Variants in STPG2 observed in about 807,000 individuals in gnomAD.
The protein encoded by STPG2 is sperm-tail PG-rich repeat-containing protein 2.
STPG2 carries 56 observed loss-of-function variants against 54.2 expected under a neutral mutation model. That is an observed-to-expected ratio of 1.03 (90% CI 0.83 to 1.29). The LOEUF (loss-of-function observed/expected upper bound fraction) is 1.29, where lower values mean the gene tolerates loss of function less well. STPG2 is among the 50% of genes most tolerant of loss of function. STPG2 has a pLI of 0.00. For synonymous variants in STPG2, 200 were observed against 181.8 expected, an observed-to-expected ratio of 1.10 and a Z score of -0.81; for missense variants, 596 against 544.9, an observed-to-expected ratio of 1.09 and a Z score of -0.93.
chr4:97,817,895 CT>C, intron 9 of STPG2, among the ~76,000 whole-genome samples: 1 of 151,750 alleles, frequency 6.6e-6, no homozygotes, highest in Admixed American at 6.6e-5. Flanking sequence ...GAAGAGCTGT[CT>C]TTTATATGCA....
At chr4:97,625,460 C>A (rs1734114976) in intron 10 of STPG2, among the ~76,000 whole-genome samples, 2 of 152,074 alleles carry the variant, frequency 1.3e-5, no homozygotes, top group Admixed American at 1.3e-4. Flanking sequence ...CAGGTGTGCA[C>A]CACCACACCC....
intron 10 of STPG2, among the ~76,000 whole-genome samples, chr4:97,603,655 T>C (rs948339002): frequency 6.6e-6 from 1 of 151,556 alleles, no homozygotes; most frequent in African/African-American, 2.4e-5. Flanking sequence ...TGCAATATTA[T>C]TCAGGAAGGA....
intron 4 of STPG2, among the ~76,000 whole-genome samples, chr4:98,107,879 A>G (rs1739232111): frequency 2.0e-5 from 3 of 152,140 alleles, no homozygotes; most frequent in Admixed American, 6.6e-5. Flanking sequence ...AGACTATGAT[A>G]TGTGTTAGAG....
rs369097260 is a variant in STPG2, at chr4:97,801,147, C to T, written c.1204+39626G>A. Among the ~76,000 whole-genome samples the T allele has an allele frequency of 7.7e-4, 118 of 152,292 alleles. 4 individuals are homozygous for T. In the East Asian group the frequency reaches 0.02, roughly 26 times the overall value. The stretch of plus-strand genomic sequence containing the variant: ...GTGCTTCCCGGGTGAGGCAATGCCT[C>T]GCCCTGCCTCAGCTCATGCTCAGTG... On this transcript the variant is annotated intron_variant, in intron 9 of 10. Coordinates refer to ENST00000295268, the MANE Select transcript of STPG2 (RefSeq NM_174952.3).
At chr4:97,922,857 T>C (rs903957479) in intron 8 of STPG2, among the ~76,000 whole-genome samples, 5 of 151,602 alleles carry the variant, frequency 3.3e-5, no homozygotes, top group African/African-American at 4.9e-5. Context: ...TTTTTCCCGG[T>C]GTCATTATGT....
In STPG2 at chr4:97,669,790, G is replaced by A. The variant is rs1226232645; in HGVS notation, c.1320+42909C>T. Among the ~76,000 whole-genome samples, 2 of 25,346 alleles carry A rather than the reference G, an allele frequency of 7.9e-5. 1 individual carries two copies. Among genetic ancestry groups the A allele is most frequent in the Non-Finnish European group, 1.4e-4 (2 of 14,260 alleles). The allele number at this position is 25,346 out of a possible 152,430, so 16.6% of individuals were successfully genotyped here. A position where few individuals can be genotyped will look rare whatever the true frequency, so the allele number is the denominator to read the frequency against. On this transcript the variant is annotated intron_variant, in intron 10 of 10. Transcript: ENST00000295268. Reference sequence around the variant, plus strand: ...CGCAGTCCGGCCTGGGCAACAGAGCGAGACTCCGTCTCAAAAAAAAAAAAA... The same window carrying A: ...CGCAGTCCGGCCTGGGCAACAGAGCAAGACTCCGTCTCAAAAAAAAAAAAA...
At chr4:97,889,538 T>C (rs1423416254) in intron 8 of STPG2, among the ~76,000 whole-genome samples, 1 of 152,146 alleles carries the variant, frequency 6.6e-6, no homozygotes, top group Admixed American at 6.5e-5. Flanking sequence ...CTCAAAGACA[T>C]TATGTTACAC....
At chr4:97,747,194 G>A (rs1224832278) in intron 9 of STPG2, among the ~76,000 whole-genome samples, 2 of 151,282 alleles carry the variant, frequency 1.3e-5, no homozygotes, top group African/African-American at 4.8e-5. Flanking sequence ...TAAGTATCAT[G>A]TCAACCAACC....
chr4:98,063,481 A>G (rs1737726430), intron 5 of STPG2, among the ~76,000 whole-genome samples: 2 of 152,158 alleles, frequency 1.3e-5, no homozygotes, highest in Admixed American at 6.6e-5. Context: ...TAAAACATTT[A>G]AATAACACTG....
At chr4:98,127,085 TAAAAC>T (rs146237907) in intron 3 of STPG2, among the ~76,000 whole-genome samples, 2,294 of 151,938 alleles carry the variant, frequency 0.015, 60 homozygotes, top group African/African-American at 0.052. Flanking sequence ...TTTAAAATCA[TAAAAC>T]AATATATATT....
intron 10 of STPG2, among the ~76,000 whole-genome samples, chr4:97,612,541 G>A (rs1733758136): frequency 6.6e-6 from 1 of 152,018 alleles, no homozygotes; most frequent in Non-Finnish European, 1.5e-5. Context: ...GGAACAGAAC[G>A]ATGAACATAT....
intron 7 of STPG2, among the ~76,000 whole-genome samples, chr4:97,946,041 G>A (rs1180536126): frequency 6.6e-6 from 1 of 151,932 alleles, no homozygotes; most frequent in Non-Finnish European, 1.5e-5. Context: ...CCTGGGTAAG[G>A]CAGTGAGACC....
chr4:97,746,064 C>G (rs1009465600), intron 9 of STPG2, among the ~76,000 whole-genome samples: 2 of 151,024 alleles, frequency 1.3e-5, no homozygotes, highest in African/African-American at 4.8e-5. Flanking sequence ...ACCTTTACAT[C>G]AGGTTTATTT....
intron 10 of STPG2, among the ~76,000 whole-genome samples, chr4:97,650,645 C>T (rs1722040101): frequency 6.6e-6 from 1 of 152,040 alleles, no homozygotes; most frequent in Admixed American, 6.6e-5. Flanking sequence ...AAAGTGGCTG[C>T]CCTTAGAGAC....
chr4:97,478,997 A>C (rs1174711401), intron 4 of STPG2, among the ~76,000 whole-genome samples: 1 of 151,660 alleles, frequency 6.6e-6, no homozygotes, highest in Non-Finnish European at 1.5e-5. Context: ...CTCATTAATA[A>C]TAATTGGATC....
intron 8 of STPG2, among the ~76,000 whole-genome samples, chr4:97,939,084 G>C (rs1462390714): frequency 6.6e-6 from 1 of 152,078 alleles, no homozygotes; most frequent in African/African-American, 2.4e-5. Context: ...TCATTCAGAA[G>C]CATGTTGTTT....
intron 5 of STPG2, 101 bp downstream of exon 5, chr4:98,105,852 T>C: frequency 1.0e-6 from 1 of 985,994 alleles, no homozygotes; most frequent in Non-Finnish European, 1.5e-6. Context: ...GACGATTAGC[T>C]ATCAGGCACA....
chr4:97,963,788 G>A (rs780290047), intron 7 of STPG2, among the ~76,000 whole-genome samples: 1 of 151,580 alleles, frequency 6.6e-6, no homozygotes, highest in Non-Finnish European at 1.5e-5. Flanking sequence ...AGAAATTAAA[G>A]ACAAATATCA....
At chr4:97,953,076 A>G (rs1246121136) in intron 7 of STPG2, among the ~76,000 whole-genome samples, 1 of 152,090 alleles carries the variant, frequency 6.6e-6, no homozygotes, top group Non-Finnish European at 1.5e-5. Flanking sequence ...CTTTGTGTTA[A>G]GCTATTAGGG....
Sources: allele counts gnomAD v4.1 joint callset (sites outside exome capture counted in the v4.1 genomes callset), GRCh38; gene constraint gnomAD v4.1.1; transcripts MANE v1.5; gene names NCBI Gene and HGNC (gene_info 2026-07-23, HGNC 2026-07-21).